EBF3: variants seen among roughly 807,000 people sequenced by gnomAD.
The protein encoded by EBF3 is EBF transcription factor 3, also known as transcription factor COE3.
A neutral mutation model predicts 77.1 loss-of-function variants in EBF3; 18 were observed. The ratio of observed to expected loss-of-function variants is 0.23; its 90% CI spans 0.16 to 0.35. The LOEUF (loss-of-function observed/expected upper bound fraction) is 0.35. Ranked by LOEUF, EBF3 falls within the 10% of genes least tolerant of loss-of-function variation. The pLI, the probability that EBF3 is intolerant of heterozygous loss-of-function variation, is 1.00. For synonymous variants in EBF3, 350 were observed against 343.5 expected (o/e 1.02, Z -0.21); for missense variants, 558 against 860.0 (o/e 0.65, Z 4.39).
rs930489412 is a variant in EBF3, at chr10:129,885,248, T to G, written c.555-7399A>C. 1.2e-4 allele frequency among the ~76,000 whole-genome samples: 19 copies of G among 152,084 alleles called. No homozygotes were observed. Among genetic ancestry groups the G allele is most frequent in the Non-Finnish European group, 2.6e-4 (18 of 68,026 alleles). On this transcript the variant is annotated intron_variant, in intron 6 of 16. Transcript: ENST00000440978. The surrounding 1 kb of genome is among the most constrained non-coding windows in gnomAD (Gnocchi z 4.0). ...AATGGCTTTGCCGGCCAGTTCAATA[T>G]CCCCTTCCAGAACAGATCCCCGCCA...
intron 6 of EBF3, among the ~76,000 whole-genome samples, chr10:129,950,040 G>GGGGGGC (rs1858547889): frequency 6.7e-6 from 1 of 149,002 alleles, no homozygotes; most frequent in African/African-American, 2.5e-5. Context: ...AGGGAGGGGA[G>GGGGGGC]GGGGGCGGAG....
At chr10:129,951,259 C>T (rs1033039909) in intron 6 of EBF3, among the ~76,000 whole-genome samples, 4 of 152,240 alleles carry the variant, frequency 2.6e-5, no homozygotes, top group African/African-American at 9.6e-5. Context: ...CGAGTTTGGA[C>T]GGCTTTCCAT....
chr10:129,871,530 C>G (rs1485946277), intron 8 of EBF3, among the ~76,000 whole-genome samples: 1 of 152,066 alleles, frequency 6.6e-6, no homozygotes, highest in Non-Finnish European at 1.5e-5. Context: ...GGGCACTTTC[C>G]TTAAAGGATG....
At chr10:129,959,092 G>A in intron 4 of EBF3, 85 bp from the exon 5 acceptor site, 1 of 1,519,396 alleles carries the variant, frequency 6.6e-7, no homozygotes. Context: ...AGGCCTGGCT[G>A]GCAGCAGGTG....
chr10:129,859,469 C>T (rs1012960236), intron 10 of EBF3, among the ~76,000 whole-genome samples: 8 of 152,258 alleles, frequency 5.3e-5, no homozygotes, highest in Non-Finnish European at 1.2e-4. Flanking sequence ...AGGTGATCCA[C>T]CCGCCTCAGC....
rs186633703 is a variant in EBF3, at chr10:129,841,191, C to T, written c.1373-159G>A. Among the ~76,000 whole-genome samples, 246 of 152,300 alleles carry T rather than the reference C, an allele frequency of 1.6e-3. 2 individuals are homozygous for T. The highest frequency in any genetic ancestry group is 5.8e-3 in the African/African-American group (240 of 41,564). ...GCTGCCAGCTCGGATGACCTTATCA[C>T]GCCAACCCTGCTGCCACTGTCTCAC... On this transcript the variant is annotated intron_variant, in intron 13 of 16. Transcript: ENST00000440978. This position sits in a 1 kb window ranked among gnomAD's most constrained non-coding sequence, Gnocchi z 4.6.
chr10:129,888,170 CGT>C (rs1853748050), intron 6 of EBF3, among the ~76,000 whole-genome samples: 1 of 152,216 alleles, frequency 6.6e-6, no homozygotes, highest in African/African-American at 2.4e-5. Flanking sequence ...ACGCCCTCCG[CGT>C]GATTTTCCAT....
At position 129,944,400 on chromosome 10, in the gene EBF3, G is replaced by A. The variant is rs866222066; in HGVS notation, c.554+12858C>T. On this transcript the variant is annotated intron_variant, in intron 6 of 16. Transcript: ENST00000440978. This position sits in a 1 kb window ranked among gnomAD's most constrained non-coding sequence, Gnocchi z 5.1. ...TTGATGTTAAATAGGGATCAATACCGCTGGGCTGCAGATGAGATCTGATTT... is the reference window on the plus strand; with the variant it reads ...TTGATGTTAAATAGGGATCAATACCACTGGGCTGCAGATGAGATCTGATTT... Among the ~76,000 whole-genome samples the A allele has an allele frequency of 9.2e-5, 14 of 152,156 alleles. No homozygotes were observed. Among genetic ancestry groups the A allele is most frequent in the Admixed American group, 3.9e-4 (6 of 15,278 alleles).
chr10:129,919,824 G>A (rs1276880147), intron 6 of EBF3, among the ~76,000 whole-genome samples: 1 of 152,160 alleles, frequency 6.6e-6, no homozygotes, highest in African/African-American at 2.4e-5. Flanking sequence ...TGAGGGCAGG[G>A]GGAGCTCTGT....
Position 129,962,344 on chromosome 10 carries a change from T to C in EBF3, c.356-118A>G, listed in dbSNP as rs115697092. ...GCTGCCACGGTGATGCAGCAGAACT[T>C]AGGCAATCCCTTTGAAAGGGAGAAA... On this transcript the variant is annotated intron_variant, in intron 3 of 16. Transcript: ENST00000440978. 7.5e-4 allele frequency: 647 copies of C among 860,560 alleles called. 2 individuals carry two copies. In the African/African-American group the frequency reaches 1.0e-2, roughly 13 times the overall value. The allele number at this position is 860,560 out of a possible 1,614,324, so 53.3% of individuals were successfully genotyped here.
chr10:129,889,285 G>T (rs1853840533), intron 6 of EBF3, among the ~76,000 whole-genome samples: 1 of 152,266 alleles, frequency 6.6e-6, no homozygotes. Flanking sequence ...AAGGGACAAG[G>T]CCAGAGCTCG....
intron 11 of EBF3, 55 bp from the exon 12 acceptor site, chr10:129,843,257 T>G (rs748173058): frequency 1.3e-6 from 2 of 1,549,362 alleles, no homozygotes; most frequent in Non-Finnish European, 1.8e-6. Context: ...CAGTTATCAC[T>G]GCCCTTCAGT....
At chr10:129,917,679 A>AAAAAAAAAAAAAAAAAAAAAAC (rs1564887155) in intron 6 of EBF3, among the ~76,000 whole-genome samples, 1 of 141,982 alleles carries the variant, frequency 7.0e-6, no homozygotes, top group Non-Finnish European at 1.5e-5. Context: ...AAAAAAAAAA[A>AAAAAAAAAAAAAAAAAAAAAAC]CTAAAACCAA....
At chr10:129,873,226 G>A (rs544888307) in intron 8 of EBF3, among the ~76,000 whole-genome samples, 9 of 152,324 alleles carry the variant, frequency 5.9e-5, no homozygotes, top group South Asian at 2.1e-4. Context: ...CATGAAGGCC[G>A]TGGCAGGTGA....
intron 7 of EBF3, among the ~76,000 whole-genome samples, chr10:129,875,853 C>T (rs527762062): frequency 5.7e-4 from 87 of 152,310 alleles, no homozygotes; most frequent in Admixed American, 2.4e-3. Context: ...TTCCTGGTCA[C>T]CCAGGTGCCC....
rs1028334867 is a variant in EBF3, at chr10:129,906,504, C to A, written c.555-28655G>T. Among the ~76,000 whole-genome samples the A allele has an allele frequency of 2.0e-5, 3 of 152,294 alleles. No homozygotes were observed. In the East Asian group the frequency reaches 5.8e-4, roughly 29 times the overall value. ...GCTCTGTTTGGACCCTCAGGTGGAA[C>A]GGGCCCTCTTCTGGGTGCTGTCACA... On this transcript the variant is annotated intron_variant, in intron 6 of 16. Coordinates refer to ENST00000440978, the MANE Select transcript of EBF3 (RefSeq NM_001375380.1).
At chr10:129,900,742 G>A (rs952996537) in intron 6 of EBF3, among the ~76,000 whole-genome samples, 20 of 152,364 alleles carry the variant, frequency 1.3e-4, no homozygotes, top group African/African-American at 4.3e-4. Flanking sequence ...ACCGTAGCGG[G>A]GGTGCTCCTG....
At position 129,896,656 on chromosome 10, in the gene EBF3, C is replaced by T. The variant is rs1044715774; in HGVS notation, c.555-18807G>A. On this transcript the variant is annotated intron_variant, in intron 6 of 16. Transcript: ENST00000440978. ...GGTGCACCGTGCAGCCCTTGAGCTC[C>T]GCTGACCTCGCCGGTGCCTTTGTCT... is the stretch of plus-strand genomic sequence containing the variant. 6.6e-5 allele frequency among the ~76,000 whole-genome samples: 10 copies of T among 152,236 alleles called. 1 individual carries two copies. Among genetic ancestry groups the T allele is most frequent in the East Asian group, 1.9e-4 (1 of 5,194 alleles).
Position 129,867,254 on chromosome 10 carries a change from T to C in EBF3, c.926A>G (p.His309Arg). 1.2e-6 allele frequency: 2 copies of C among 1,613,976 alleles called. No homozygotes were observed. The highest frequency in any genetic ancestry group is 1.7e-6 in the Non-Finnish European group (2 of 1,179,984). The stretch of plus-strand genomic sequence containing the variant: ...CGGCGGGGTCTGGACTCGGATGGCA[T>C]GGGGAGTTATCAGCTACAAAAACCA... ...MLVWSELITP[H>R]AIRVQTPPRH... Residue 309 changes from histidine (H) to arginine (R), a missense_variant, in exon 10 of 17, where the codon CAT becomes CGT. This residue lies in a region of EBF3 where 112 missense variants were observed against 207.7 expected (regional missense o/e 0.54). Coordinates refer to ENST00000440978, the MANE Select transcript of EBF3 (RefSeq NM_001375380.1).
Sources: gnomAD v4.1 joint callset for allele counts (sites outside exome capture counted in the v4.1 genomes callset) on GRCh38, gnomAD v4.1.1 for gene constraint, gnomAD v4.1.1 regional missense constraint, Gnocchi (gnomAD v3.1) non-coding constraint, MANE v1.5 for transcripts, NCBI Gene and HGNC (gene_info 2026-07-23, HGNC 2026-07-21) for gene names.